TRMT1L: variants seen among roughly 807,000 people sequenced by gnomAD.
TRMT1L encodes the protein tRNA methyltransferase 1L, also known as tRNA (guanine(27)-N(2))-dimethyltransferase.
TRMT1L carries 28 observed loss-of-function variants against 81.6 expected under a neutral mutation model. The observed-to-expected ratio is 0.34, with a 90% CI of 0.25 to 0.47. TRMT1L has a LOEUF of 0.47. Among genes scored for constraint, TRMT1L ranks in the 20% least tolerant of loss-of-function variants. The probability of loss-of-function intolerance (pLI) is 1.00; values close to 1 mark genes in which losing one functional copy is unlikely to be tolerated. For synonymous variants in TRMT1L, 301 were observed against 303.2 expected, an observed-to-expected ratio of 0.99 and a Z score of 0.07; for missense variants, 739 against 877.1, an observed-to-expected ratio of 0.84 and a Z score of 1.99.
chr1:185,150,355 C>T (rs747525420), intron 3 of TRMT1L, 24 bp downstream of exon 3: 6 of 1,531,508 alleles, frequency 3.9e-6, no homozygotes, highest in Non-Finnish European at 5.4e-6. Context: ...TATATTACTT[C>T]TTTGCAAGCA....
At chr1:185,154,623 G>A (rs1456517251) in intron 1 of TRMT1L, among the ~76,000 whole-genome samples, 3 of 152,238 alleles carry the variant, frequency 2.0e-5, no homozygotes, top group South Asian at 2.1e-4. Context: ...CAATAAAGAC[G>A]TGCCTATTGA....
At chr1:185,133,789 C>T (rs1025259217) in intron 10 of TRMT1L, among the ~76,000 whole-genome samples, 3 of 151,952 alleles carry the variant, frequency 2.0e-5, no homozygotes, top group African/African-American at 4.8e-5. Flanking sequence ...TGAGAGACCC[C>T]GAGCTAGTGG....
intron 5 of TRMT1L, among the ~76,000 whole-genome samples, chr1:185,145,158 T>A (rs1013071594): frequency 6.6e-6 from 1 of 151,914 alleles, no homozygotes; most frequent in Non-Finnish European, 1.5e-5. Flanking sequence ...GTGTAAAAGC[T>A]GTCACTGGGA....
chr1:185,126,464 AT>A (rs1233200095), intron 11 of TRMT1L, among the ~76,000 whole-genome samples: 13 of 152,060 alleles, frequency 8.5e-5, no homozygotes, highest in Admixed American at 8.5e-4. Flanking sequence ...CTGGCCAAAA[AT>A]AAAACTTCTC....
intron 10 of TRMT1L, among the ~76,000 whole-genome samples, chr1:185,131,578 A>C (rs570672332): frequency 1.3e-5 from 2 of 152,226 alleles, no homozygotes; most frequent in Admixed American, 6.5e-5. Flanking sequence ...AACAATAATC[A>C]CTTGACTAGC....
At chr1:185,156,992 G>A (rs1571366437), upstream of TRMT1L, 2 of 472,492 alleles carry the variant, frequency 4.2e-6, no homozygotes, top group South Asian at 2.5e-5. Context: ...ACTGGGGACG[G>A]CGTCCAATTG....
rs1424835838 is a variant in TRMT1L, at chr1:185,139,848, A to G, written c.1109+125T>C. ...TTTTCATACTGCATACCTTAGGCCA[A>G]TGTCAAAAAATGGCATTAATTTAAA... On this transcript the variant is annotated intron_variant, in intron 8 of 14. Coordinates refer to ENST00000367506, the MANE Select transcript of TRMT1L (RefSeq NM_030934.5). 6.2e-6 allele frequency: 7 copies of G among 1,134,644 alleles called. No homozygotes were observed. The Admixed American group carries it at 1.9e-4, about 31-fold the overall frequency. 70.3% of individuals were successfully genotyped at this position (1,134,644 alleles called of 1,614,324 possible).
chr1:185,150,860 A>T (rs568661407), intron 2 of TRMT1L, among the ~76,000 whole-genome samples: 2 of 152,242 alleles, frequency 1.3e-5, no homozygotes, highest in Non-Finnish European at 2.9e-5. Context: ...CCAAAAGGAC[A>T]GGGATTGGAC....
chr1:185,147,296 T>C, intron 3 of TRMT1L, 50 bp from the exon 4 acceptor site: 1 of 1,355,708 alleles, frequency 7.4e-7, no homozygotes. Flanking sequence ...AAATATTCAG[T>C]TATCAAAAAT....
chr1:185,137,224 A>C (rs757899073), intron 10 of TRMT1L, among the ~76,000 whole-genome samples: 14 of 152,220 alleles, frequency 9.2e-5, no homozygotes, highest in Non-Finnish European at 1.6e-4. Context: ...TGTTTATTGA[A>C]TGCATTTTAT....
intron 11 of TRMT1L, among the ~76,000 whole-genome samples, chr1:185,127,791 T>C (rs1382006360): frequency 1.4e-5 from 2 of 144,068 alleles, no homozygotes; most frequent in Non-Finnish European, 3.0e-5. Flanking sequence ...AAAGAATCTC[T>C]AGTAACAAAC....
At chr1:185,120,297 AT>A (rs776854184) in intron 14 of TRMT1L, 26 bp from the exon 15 acceptor site, 2 of 1,507,814 alleles carry the variant, frequency 1.3e-6, no homozygotes, top group Admixed American at 2.2e-5. Flanking sequence ...GAAAGAAAAA[AT>A]AATCAGGTTC....
At chr1:185,147,884 G>T (rs1653231775) in intron 3 of TRMT1L, among the ~76,000 whole-genome samples, 1 of 152,074 alleles carries the variant, frequency 6.6e-6, no homozygotes. Flanking sequence ...GCCTATTAAG[G>T]ATATGTAACT....
chr1:185,157,017 G>A (rs913752606), upstream of TRMT1L: 2 of 382,796 alleles, frequency 5.2e-6, no homozygotes, highest in Non-Finnish European at 4.8e-6. Flanking sequence ...AGAGGGTTCG[G>A]TTTCTACGGT....
At chr1:185,156,009 G>A (rs1173157541) in intron 1 of TRMT1L, among the ~76,000 whole-genome samples, 1 of 152,218 alleles carries the variant, frequency 6.6e-6, no homozygotes, top group Non-Finnish European at 1.5e-5. Flanking sequence ...TCTCCTTGTG[G>A]CTGTCGAAGC....
At chr1:185,137,415 A>G in intron 10 of TRMT1L, 191 bp downstream of exon 10, 1 of 705,034 alleles carries the variant, frequency 1.4e-6, no homozygotes, top group Non-Finnish European at 2.6e-6. Context: ...ATTGTACAGC[A>G]TGAGTAAATA....
chr1:185,147,720 A>C (rs1653226984), intron 3 of TRMT1L, among the ~76,000 whole-genome samples: 1 of 152,110 alleles, frequency 6.6e-6, no homozygotes, highest in Non-Finnish European at 1.5e-5. Context: ...CTCATGCCCT[A>C]AAATGTAGAA....
Position 185,156,808 on chromosome 1 carries a change from A to C in TRMT1L, c.-96T>G. The C allele has an allele frequency of 3.3e-6, 5 of 1,508,754 alleles. No homozygotes were observed. The highest frequency in any genetic ancestry group is 4.5e-6 in the Non-Finnish European group (5 of 1,122,118). 93.5% of individuals were successfully genotyped at this position (1,508,754 alleles called of 1,614,324 possible). A position where few individuals can be genotyped will look rare whatever the true frequency, so the allele number is the denominator to read the frequency against. On this transcript the variant is annotated 5_prime_UTR_variant, in exon 1 of 15. Coordinates refer to ENST00000367506, the MANE Select transcript of TRMT1L (RefSeq NM_030934.5). ...GTGAATGCCCACAGGGCTGGATCCAAGGAGTGGGGAAGCAAGTGGGGAGGG... is the reference window on the plus strand; with the variant it reads ...GTGAATGCCCACAGGGCTGGATCCACGGAGTGGGGAAGCAAGTGGGGAGGG...
chr1:185,124,546 C>T (rs760584115), intron 12 of TRMT1L, among the ~76,000 whole-genome samples: 6 of 151,566 alleles, frequency 4.0e-5, no homozygotes, highest in Non-Finnish European at 7.4e-5. Context: ...AAATATTAGC[C>T]AGGTGTGGTG....
Sources: gnomAD v4.1 joint callset for allele counts (sites outside exome capture counted in the v4.1 genomes callset) on GRCh38, gnomAD v4.1.1 for gene constraint, MANE v1.5 for transcripts, NCBI Gene and HGNC (gene_info 2026-07-23, HGNC 2026-07-21) for gene names.